BDP1: variants seen among roughly 807,000 people sequenced by gnomAD.
BDP1 encodes the protein transcription factor TFIIIB component B'' homolog.
Under a neutral mutation model 266.6 loss-of-function variants are expected in BDP1, and 169 were observed. The observed-to-expected ratio is 0.63, with a 90% CI of 0.56 to 0.72. The LOEUF (loss-of-function observed/expected upper bound fraction) is 0.72. BDP1 is among the 30% of genes least tolerant of loss of function. BDP1 has a pLI of 0.00. For synonymous variants in BDP1, 1,090 were observed against 1,022.4 expected, an observed-to-expected ratio of 1.07 and a Z score of -1.26; for missense variants, 3,015 against 3,053.8, an observed-to-expected ratio of 0.99 and a Z score of 0.30.
chr5:71,550,400 C>T (rs1449198551), intron 34 of BDP1, among the ~76,000 whole-genome samples: 1 of 151,842 alleles, frequency 6.6e-6, no homozygotes, highest in Non-Finnish European at 1.5e-5. Context: ...GATCCTCATG[C>T]CTCAGCCTTT....
intron 21 of BDP1, 73 bp downstream of exon 21, chr5:71,516,344 C>A: frequency 2.7e-6 from 3 of 1,119,502 alleles, no homozygotes; most frequent in Non-Finnish European, 3.9e-6. Flanking sequence ...TCAGACATAG[C>A]TTAGAAATAC....
chr5:71,568,355 G>T (rs1220248983), downstream of BDP1, among the ~76,000 whole-genome samples: 4 of 152,212 alleles, frequency 2.6e-5, no homozygotes, highest in African/African-American at 9.6e-5. Context: ...CAGTAAGTAG[G>T]TTGGGGTAGT....
chr5:71,461,955 T>TCA, intron 3 of BDP1, 29 bp downstream of exon 3: 84 of 783,230 alleles, frequency 1.1e-4, no homozygotes, highest in Non-Finnish European at 1.6e-4. Context: ...TGCTTTACTA[T>TCA]CTCTTTTTTT....
In BDP1 at chr5:71,566,590, G is replaced by C. The variant is rs1174585489; in HGVS notation, c.*1705G>C. 3 of 152,112 alleles carry C rather than the reference G, an allele frequency of 2.0e-5. No individual in the cohort carries two copies. The highest frequency in any genetic ancestry group is 1.3e-4 in the Admixed American group (2 of 15,270). 9.4% of individuals were successfully genotyped at this position (152,112 alleles called of 1,614,324 possible). On this transcript the variant is annotated 3_prime_UTR_variant, in exon 39 of 39. Coordinates refer to ENST00000358731, the MANE Select transcript of BDP1 (RefSeq NM_018429.3). ...TTCTGCAAACTGTTTTGGGTTTGCA[G>C]GCCAGATGGTCTCTGTGGCAGCTAC...
intron 14 of BDP1, 99 bp from the exon 15 acceptor site, chr5:71,502,500 G>T: frequency 1.8e-6 from 2 of 1,115,772 alleles, no homozygotes; most frequent in Non-Finnish European, 2.5e-6. Context: ...GGAAACTTGT[G>T]AATTATTTCA....
chr5:71,487,489 T>C (rs1763337279), intron 9 of BDP1, among the ~76,000 whole-genome samples: 1 of 152,148 alleles, frequency 6.6e-6, no homozygotes, highest in Non-Finnish European at 1.5e-5. Context: ...ATGATATGCC[T>C]GCCTCGGCCT....
chr5:71,500,815 G>T (rs1764188014), intron 13 of BDP1, among the ~76,000 whole-genome samples: 1 of 151,104 alleles, frequency 6.6e-6, no homozygotes. Context: ...AAAAAAAAAT[G>T]TACATCAGGT....
chr5:71,496,438 ATT>A (rs10682137), intron 12 of BDP1, among the ~76,000 whole-genome samples: 9 of 138,650 alleles, frequency 6.5e-5, no homozygotes, highest in Non-Finnish European at 7.7e-5. Context: ...ACATTTATGA[ATT>A]TTTTTTTTTT....
At chr5:71,458,430 C>T in intron 1 of BDP1, 149 bp from the exon 2 acceptor site, 1 of 619,486 alleles carries the variant, frequency 1.6e-6, no homozygotes, top group Non-Finnish European at 2.8e-6. Flanking sequence ...TTTTTGTAAC[C>T]TGTCATAATT....
At chr5:71,488,361 C>G (rs1447147318) in intron 9 of BDP1, among the ~76,000 whole-genome samples, 1 of 151,770 alleles carries the variant, frequency 6.6e-6, no homozygotes, top group East Asian at 1.9e-4. Flanking sequence ...CCCCTGACCT[C>G]AAATGATCGC....
intron 18 of BDP1, 43 bp downstream of exon 18, chr5:71,512,471 G>T: frequency 7.7e-7 from 1 of 1,296,480 alleles, no homozygotes; most frequent in Admixed American, 2.6e-5. Context: ...AGTTATAGTT[G>T]CAGATTACGT....
rs276590 is a variant in BDP1, at chr5:71,539,006, G to A, written c.5893-36G>A. On this transcript the variant is annotated intron_variant, in intron 26 of 38. Transcript: ENST00000358731. Reference sequence around the variant, plus strand: ...TGAGAAACAGAACATGTTTGGGGAAGTATTTTAAGATGTTACTTATTTTTT... The same window carrying A: ...TGAGAAACAGAACATGTTTGGGGAAATATTTTAAGATGTTACTTATTTTTT... The A allele has an allele frequency of 0.48, 673,975 of 1,415,288 alleles. 163,426 individuals carry two copies. Among genetic ancestry groups the A allele is most frequent in the South Asian group, 0.55 (46,449 of 84,736 alleles). 87.7% of individuals were successfully genotyped at this position (1,415,288 alleles called of 1,614,324 possible).
chr5:71,530,087 T>C (rs2150530646), intron 25 of BDP1, among the ~76,000 whole-genome samples: 1 of 152,350 alleles, frequency 6.6e-6, no homozygotes, highest in East Asian at 1.9e-4. Context: ...TTTTTTAAAA[T>C]AAACTGTATG....
chr5:71,522,721 GTAGTAATAC>G (rs1273739368), intron 23 of BDP1, 26 bp from the exon 24 acceptor site: 1 of 1,550,532 alleles, frequency 6.4e-7, no homozygotes, highest in East Asian at 2.2e-5. Context: ...GATTGTTTCT[GTAGTAATAC>G]TAGCTAATTT....
intron 13 of BDP1, 21 bp from the exon 14 acceptor site, chr5:71,501,541 T>G (rs750763661): frequency 2.2e-6 from 3 of 1,356,522 alleles, no homozygotes; most frequent in Non-Finnish European, 3.1e-6. Context: ...GTAGATAAAT[T>G]GTAGCAAATT....
At position 71,539,608 on chromosome 5, in the gene BDP1, A is replaced by G; in HGVS notation, c.5981A>G (p.Asp1994Gly). The change falls in exon 28 of 39, where the codon GAT becomes GGT. Residue 1994 changes from aspartate to glycine, a missense_variant. By Grantham distance (94) the Asp-to-Gly change is moderately conservative. Around this residue, in one of 3 missense-constraint regions of BDP1, gnomAD observed 2,383 missense variants for 2,404.9 expected, o/e 0.99. Transcript: ENST00000358731. ...GCAATAACTTTACTTACAATGGGAG[A>G]TCTAGTATTGCAGTCAGAGATCAGT... Reference protein sequence around the residue: ...EAAITLLTMGDLVLQSEISSE... With the variant: ...EAAITLLTMGGLVLQSEISSE... 6.2e-7 allele frequency: 1 copy of G among 1,612,654 alleles called. No individual in the cohort carries two copies. Among genetic ancestry groups the G allele is most frequent in the Non-Finnish European group, 8.5e-7 (1 of 1,179,406 alleles).
chr5:71,516,800 T>TA (rs1035390786), intron 21 of BDP1, among the ~76,000 whole-genome samples: 6 of 152,314 alleles, frequency 3.9e-5, no homozygotes, highest in African/African-American at 1.2e-4. Context: ...GTGTAATGTC[T>TA]AAAAATGTTC....
intron 7 of BDP1, among the ~76,000 whole-genome samples, chr5:71,480,947 C>T (rs1326272249): frequency 3.3e-5 from 5 of 152,118 alleles, no homozygotes; most frequent in African/African-American, 9.7e-5. Context: ...GAGGCCAAGG[C>T]GGGTGGATCA....
chr5:71,566,010 C>G lies in BDP1; in HGVS notation c.*1125C>G, dbSNP rs1200212559. On this transcript the variant is annotated 3_prime_UTR_variant, in exon 39 of 39. Transcript: ENST00000358731. Reference sequence around the variant, plus strand: ...GAAGGCATTAAATTTATGTTTGTCTCCTTTTTCTGTTTAATTTTAAAGATA... The same window carrying G: ...GAAGGCATTAAATTTATGTTTGTCTGCTTTTTCTGTTTAATTTTAAAGATA... 9.0e-6 allele frequency: 2 copies of G among 222,168 alleles called. No individual in the cohort carries two copies. The highest frequency in any genetic ancestry group is 4.6e-5 in the Admixed American group (1 of 21,854). The allele number at this position is 222,168 out of a possible 1,614,324, so 13.8% of individuals were successfully genotyped here. A position where few individuals can be genotyped will look rare whatever the true frequency, so the allele number is the denominator to read the frequency against.
Sources: allele counts gnomAD v4.1 joint callset (sites outside exome capture counted in the v4.1 genomes callset), GRCh38; gene constraint gnomAD v4.1.1; regional missense constraint gnomAD v4.1.1; transcripts MANE v1.5; gene names NCBI Gene and HGNC (gene_info 2026-07-23, HGNC 2026-07-21).